The following WDR48 variants were observed in gnomAD, a reference collection of about 807,000 sequenced individuals.
WDR48 encodes the protein WD repeat domain 48, also known as WD repeat-containing protein 48.
In WDR48, 22 loss-of-function variants were observed where a neutral mutation model predicts 94.0. That is an observed-to-expected ratio of 0.23 (90% CI 0.17 to 0.33). The LOEUF (loss-of-function observed/expected upper bound fraction) is 0.33. WDR48 is among the 10% of genes least tolerant of loss of function. The pLI is 1.00. For synonymous variants in WDR48, 278 were observed against 280.5 expected (o/e 0.99, Z 0.09); for missense variants, 541 against 813.8 (o/e 0.66, Z 4.08).
intron 14 of WDR48, 113 bp from the exon 15 acceptor site, chr3:39,088,015 A>G: frequency 2.1e-6 from 2 of 964,780 alleles, no homozygotes; most frequent in Non-Finnish European, 3.2e-6. Flanking sequence ...TGGTGGACTT[A>G]GAGGACATTT....
At chr3:39,076,816 T>C (rs910525013) in intron 8 of WDR48, among the ~76,000 whole-genome samples, 1 of 152,208 alleles carries the variant, frequency 6.6e-6, no homozygotes, top group African/African-American at 2.4e-5. Context: ...ACATAAAAAC[T>C]GGAGTAACAA....
chr3:39,089,725 A>G (rs534207076), intron 16 of WDR48: 3 of 152,904 alleles, frequency 2.0e-5, no homozygotes, highest in African/African-American at 7.2e-5. Flanking sequence ...TTCATTTTAT[A>G]TTGCACAAAA....
chr3:39,055,588 C>T (rs190538874), intron 1 of WDR48, among the ~76,000 whole-genome samples: 1 of 152,330 alleles, frequency 6.6e-6, no homozygotes, highest in African/African-American at 2.4e-5. Flanking sequence ...CTACCATCTT[C>T]AACTTCTAGG....
chr3:39,075,088 T>C, intron 8 of WDR48, 138 bp downstream of exon 8: 1 of 819,580 alleles, frequency 1.2e-6, no homozygotes, highest in South Asian at 1.8e-5. Flanking sequence ...TATTCCATCA[T>C]GAGCAGAACT....
At position 39,069,625 on chromosome 3, in the gene WDR48, C is replaced by A. The variant is rs772383378; in HGVS notation, c.571-18C>A. ...ACTGATATATTTAGTTTGTGTAATA[C>A]TCTATTAAAATTCACAGGTGTTACG... On this transcript the variant is annotated intron_variant, in intron 6 of 18. Transcript: ENST00000302313. 3.1e-6 allele frequency: 5 copies of A among 1,587,352 alleles called. No homozygotes were observed. The highest frequency in any genetic ancestry group is 4.3e-6 in the Non-Finnish European group (5 of 1,159,986).
chr3:39,091,148 C>A (rs1331127398), intron 16 of WDR48: 1 of 153,036 alleles, frequency 6.5e-6, no homozygotes, highest in African/African-American at 2.4e-5. Flanking sequence ...TCAGACCTCA[C>A]TGTGATGTCA....
chr3:39,070,472 C>T (rs141239985), intron 7 of WDR48, among the ~76,000 whole-genome samples: 5 of 152,084 alleles, frequency 3.3e-5, no homozygotes, highest in African/African-American at 1.2e-4. Context: ...TGAGAAACAC[C>T]ATCAGTTTCT....
At chr3:39,064,479 G>T (rs1207158041) in intron 2 of WDR48, among the ~76,000 whole-genome samples, 1 of 151,938 alleles carries the variant, frequency 6.6e-6, no homozygotes, top group East Asian at 1.9e-4. Context: ...TTCACCATGT[G>T]GGTCAGGCTG....
chr3:39,069,777 AC>A (rs1342370409), intron 7 of WDR48, 33 bp downstream of exon 7: 1 of 1,578,094 alleles, frequency 6.3e-7, no homozygotes, highest in Non-Finnish European at 8.7e-7. Flanking sequence ...TTACCTAATA[AC>A]CTTGTTAGAA....
intron 8 of WDR48, among the ~76,000 whole-genome samples, chr3:39,075,363 A>G (rs1186908780): frequency 1.3e-5 from 2 of 152,072 alleles, no homozygotes; most frequent in African/African-American, 4.8e-5. Context: ...GAAAAGAAAT[A>G]TGAGGAGTTA....
At chr3:39,074,664 G>T in intron 7 of WDR48, 62 bp from the exon 8 acceptor site, 16 of 1,523,646 alleles carry the variant, frequency 1.1e-5, no homozygotes, top group African/African-American at 2.7e-5. Context: ...GAAGTCAAGT[G>T]CAAAGCACAA....
At chr3:39,066,490 G>T in intron 3 of WDR48, 58 bp from the exon 4 acceptor site, 5 of 1,425,930 alleles carry the variant, frequency 3.5e-6, no homozygotes, top group Non-Finnish European at 4.9e-6. Flanking sequence ...TGTAAGATAA[G>T]TTTTCAAAGT....
At chr3:39,060,117 T>A (rs1291643745) in intron 1 of WDR48, among the ~76,000 whole-genome samples, 2 of 152,196 alleles carry the variant, frequency 1.3e-5, no homozygotes, top group Non-Finnish European at 2.9e-5. Flanking sequence ...GTGCACCCTT[T>A]CAAAGTGTAC....
At chr3:39,088,595 T>C (rs1049683416) in intron 15 of WDR48, among the ~76,000 whole-genome samples, 1 of 152,102 alleles carries the variant, frequency 6.6e-6, no homozygotes, top group Non-Finnish European at 1.5e-5. Flanking sequence ...TCAGAGTACA[T>C]TACATTACTT....
chr3:39,068,618 G>C (rs1227926287), intron 5 of WDR48, among the ~76,000 whole-genome samples, 153 bp from the exon 6 acceptor site: 2 of 152,062 alleles, frequency 1.3e-5, no homozygotes, highest in Admixed American at 6.6e-5. Context: ...TAATAATACT[G>C]TTTAGATTTA....
In WDR48 at chr3:39,085,584, A is replaced by C. The variant is rs780492510; in HGVS notation, c.1448A>C (p.Asp483Ala). Residue 483 changes from aspartate (D) to alanine (A), a missense_variant, in exon 14 of 19, where the codon GAT (aspartate) becomes GCT (alanine). Physicochemically the swap from Asp to Ala is moderately radical, Grantham distance 126. Transcript: ENST00000302313. Reference sequence around the variant, plus strand: ...CCTAGAACACATGTGAATCCAATGGATGAAGAGGAAAATGAAGTAAACCAT... The same window carrying C: ...CCTAGAACACATGTGAATCCAATGGCTGAAGAGGAAAATGAAGTAAACCAT... Reference protein sequence around the residue: ...YWPRTHVNPMDEEENEVNHVN... With the variant: ...YWPRTHVNPMAEEENEVNHVN... 3 of 1,611,770 alleles carry C rather than the reference A, an allele frequency of 1.9e-6. No homozygotes were observed. Among genetic ancestry groups the C allele is most frequent in the Non-Finnish European group, 2.5e-6 (3 of 1,179,372 alleles).
chr3:39,078,078 A>T, intron 9 of WDR48, 59 bp from the exon 10 acceptor site: 1 of 1,318,708 alleles, frequency 7.6e-7, no homozygotes, highest in South Asian at 1.3e-5. Context: ...GCCACTTTAA[A>T]CAGGCTGGCA....
At position 39,095,761 on chromosome 3, in the gene WDR48, T is replaced by C. The variant is rs1253944361; in HGVS notation, c.*1018T>C. On this transcript the variant is annotated 3_prime_UTR_variant, in exon 19 of 19. Coordinates refer to ENST00000302313, the MANE Select transcript of WDR48 (RefSeq NM_020839.4). ...TTGTACCTGTATCCAGATCTTCTTTTCACTGTTCTAACAATCTAACACTTT... is the reference window on the plus strand; with the variant it reads ...TTGTACCTGTATCCAGATCTTCTTTCCACTGTTCTAACAATCTAACACTTT... The C allele has an allele frequency of 6.5e-6, 1 of 152,692 alleles. No individual in the cohort carries two copies. Among genetic ancestry groups the C allele is most frequent in the Non-Finnish European group, 1.5e-5 (1 of 68,054 alleles). 9.5% of individuals were successfully genotyped at this position (152,692 alleles called of 1,614,324 possible).
At position 39,088,216 on chromosome 3, in the gene WDR48, A is replaced by G. The variant is rs554376780; in HGVS notation, c.1563A>G (p.Gly521=). ...PHTPVIFGEA[G]GRTLFRLLCR... is the part of the protein sequence containing the mutation. Reference sequence around the variant, plus strand: ...CACCCGTGATCTTTGGTGAAGCTGGAGGTCGCACACTGTTCAGGTATGGGT... The same window carrying G: ...CACCCGTGATCTTTGGTGAAGCTGGGGGTCGCACACTGTTCAGGTATGGGT... The change falls in exon 15 of 19, where the codon GGA becomes GGG. Residue 521 remains glycine (G), a synonymous_variant. Coordinates refer to ENST00000302313, the MANE Select transcript of WDR48 (RefSeq NM_020839.4). The G allele has an allele frequency of 6.2e-7, 1 of 1,614,206 alleles. No homozygotes were observed. The highest frequency in any genetic ancestry group is 1.1e-5 in the South Asian group (1 of 91,084).
Sources: gnomAD v4.1 joint callset for allele counts (sites outside exome capture counted in the v4.1 genomes callset) on GRCh38, gnomAD v4.1.1 for gene constraint, MANE v1.5 for transcripts, NCBI Gene and HGNC (gene_info 2026-07-23, HGNC 2026-07-21) for gene names.